Variants in STPG2 observed in about 807,000 individuals in gnomAD.
The protein encoded by STPG2 is sperm-tail PG-rich repeat-containing protein 2.
A neutral mutation model predicts 54.2 loss-of-function variants in STPG2; 56 were observed. The observed-to-expected ratio is 1.03, with a 90% CI of 0.83 to 1.29. The LOEUF (loss-of-function observed/expected upper bound fraction) is 1.29. Among genes scored for constraint, STPG2 ranks in the 50% most tolerant of loss-of-function variants. The pLI, the probability that STPG2 is intolerant of heterozygous loss-of-function variation, is 0.00. For missense variants in STPG2, 596 were observed against 544.9 expected (o/e 1.09, Z -0.93); for synonymous variants, 200 against 181.8 (o/e 1.10, Z -0.81).
At chr4:97,840,050 G>GAA in intron 9 of STPG2, among the ~76,000 whole-genome samples, 1 of 151,344 alleles carries the variant, frequency 6.6e-6, no homozygotes, top group African/African-American at 2.4e-5. Flanking sequence ...TACTGCTTTA[G>GAA]AACAAGAATG....
At chr4:97,616,086 A>ATG in intron 10 of STPG2, among the ~76,000 whole-genome samples, 2 of 83,794 alleles carry the variant, frequency 2.4e-5, no homozygotes, top group South Asian at 1.1e-3. Flanking sequence ...ATATATATAT[A>ATG]TATATATATG....
At chr4:97,948,738 G>A (rs1474177650) in intron 7 of STPG2, among the ~76,000 whole-genome samples, 1 of 152,026 alleles carries the variant, frequency 6.6e-6, no homozygotes, top group Non-Finnish European at 1.5e-5. Flanking sequence ...TTCTTCTGGA[G>A]TTGATTTCTA....
At chr4:97,946,585 G>A (rs1156896939) in intron 7 of STPG2, among the ~76,000 whole-genome samples, 1 of 151,980 alleles carries the variant, frequency 6.6e-6, no homozygotes, top group Non-Finnish European at 1.5e-5. Flanking sequence ...TGAGATGTAG[G>A]GATTCAGTTT....
At chr4:97,992,488 T>C (rs1230696883) in intron 5 of STPG2, among the ~76,000 whole-genome samples, 1 of 152,218 alleles carries the variant, frequency 6.6e-6, no homozygotes, top group African/African-American at 2.4e-5. Context: ...ACCATGCTGT[T>C]TTGGTGACTA....
intron 8 of STPG2, among the ~76,000 whole-genome samples, chr4:97,909,196 A>G (rs1731581142): frequency 6.6e-6 from 1 of 151,900 alleles, no homozygotes. Flanking sequence ...TATATATCCT[A>G]GAAACATTAA....
rs1553939187 is a variant in STPG2 at position 98,072,613 on chromosome 4, T to TAAAATAAAAC, written c.612+33339_612+33340insGTTTTATTTT. Among the ~76,000 whole-genome samples, 1,197 of 135,182 alleles carry TAAAATAAAAC rather than the reference T, an allele frequency of 8.9e-3. 10 individuals carry two copies. The highest frequency in any genetic ancestry group is 0.011 in the Non-Finnish European group (672 of 62,014). 88.7% of individuals were successfully genotyped at this position (135,182 alleles called of 152,430 possible). A position where few individuals can be genotyped will look rare whatever the true frequency, so the allele number is the denominator to read the frequency against. Reference sequence around the variant, plus strand: ...TAAAATAAAATAAAATAAAATAAAATAAAACAAAACAAGAGTCCACTAATT... The same window carrying TAAAATAAAAC: ...TAAAATAAAATAAAATAAAATAAAATAAAATAAAACAAAACAAAACAAGAGTCCACTAATT... On this transcript the variant is annotated intron_variant, in intron 5 of 10. Coordinates refer to ENST00000295268, the MANE Select transcript of STPG2 (RefSeq NM_174952.3).
At chr4:97,810,467 A>G (rs976382498) in intron 9 of STPG2, among the ~76,000 whole-genome samples, 1 of 151,606 alleles carries the variant, frequency 6.6e-6, no homozygotes, top group African/African-American at 2.4e-5. Flanking sequence ...TGTCTCAAAA[A>G]AAAAAAAAAA....
At chr4:97,698,024 C>T (rs954203933) in intron 10 of STPG2, among the ~76,000 whole-genome samples, 2 of 152,174 alleles carry the variant, frequency 1.3e-5, no homozygotes, top group South Asian at 2.1e-4. Flanking sequence ...AGGCTGCCAG[C>T]CCCCTGATTT....
In STPG2 at chr4:97,904,925, G is replaced by A. The variant is rs559281157; in HGVS notation, c.1044+38972C>T. Among the ~76,000 whole-genome samples, 264 of 152,212 alleles carry A rather than the reference G, an allele frequency of 1.7e-3. 2 individuals carry two copies. Among genetic ancestry groups the A allele is most frequent in the African/African-American group, 5.9e-3 (244 of 41,532 alleles). On this transcript the variant is annotated intron_variant, in intron 8 of 10. Coordinates refer to ENST00000295268, the MANE Select transcript of STPG2 (RefSeq NM_174952.3). Reference sequence around the variant, plus strand: ...TTAGAGAAAAAGAATAAAAAGAAACGAGCAAAGCCTCCAAGAAATATGGGA... The same window carrying A: ...TTAGAGAAAAAGAATAAAAAGAAACAAGCAAAGCCTCCAAGAAATATGGGA...
chr4:97,565,887 A>G lies in STPG2; in HGVS notation c.1321-6770T>C, dbSNP rs564711100. ...TTAGGCTGCTCAGAGGTCAGGGATCAGGGACCCACTTGAGGAGGCAGTCTG... is the reference window on the plus strand; with the variant it reads ...TTAGGCTGCTCAGAGGTCAGGGATCGGGGACCCACTTGAGGAGGCAGTCTG... On this transcript the variant is annotated intron_variant, in intron 10 of 10. Transcript: ENST00000295268. Among the ~76,000 whole-genome samples, 333 of 152,316 alleles carry G rather than the reference A, an allele frequency of 2.2e-3. 1 individual carries two copies. Among genetic ancestry groups the G allele is most frequent in the Non-Finnish European group, 2.6e-3 (180 of 68,032 alleles).
chr4:97,460,942 T>C (rs764134137), intron 4 of STPG2, among the ~76,000 whole-genome samples: 3 of 152,238 alleles, frequency 2.0e-5, no homozygotes, highest in Non-Finnish European at 2.9e-5. Flanking sequence ...TGGTTGCATA[T>C]AACATTCATG....
intron 9 of STPG2, among the ~76,000 whole-genome samples, chr4:97,719,816 T>C (rs1301729480): frequency 6.6e-6 from 1 of 151,976 alleles, no homozygotes; most frequent in Non-Finnish European, 1.5e-5. Flanking sequence ...ACTTTCTTTT[T>C]AGTAATTGTC....
At chr4:98,018,905 A>T (rs1320788502) in intron 5 of STPG2, among the ~76,000 whole-genome samples, 1 of 151,442 alleles carries the variant, frequency 6.6e-6, no homozygotes, top group African/African-American at 2.4e-5. Flanking sequence ...TTCATTGTAG[A>T]TTCTGCATAT....
At chr4:97,876,519 A>C (rs1005876123) in intron 8 of STPG2, among the ~76,000 whole-genome samples, 2 of 152,074 alleles carry the variant, frequency 1.3e-5, no homozygotes, top group Non-Finnish European at 2.9e-5. Context: ...GTAATTATAA[A>C]GTCCTCAGAG....
At chr4:97,711,279 C>T (rs1168189597) in intron 10 of STPG2, among the ~76,000 whole-genome samples, 1 of 152,016 alleles carries the variant, frequency 6.6e-6, no homozygotes, top group Non-Finnish European at 1.5e-5. Flanking sequence ...AGACCAATAC[C>T]TTATTAATCA....
chr4:98,020,452 T>C (rs1228452141), intron 5 of STPG2, among the ~76,000 whole-genome samples: 2 of 151,132 alleles, frequency 1.3e-5, no homozygotes, highest in Admixed American at 6.6e-5. Flanking sequence ...GCCTCAATGT[T>C]CATCAAGGAT....
rs866629245 is a variant in STPG2, at chr4:97,563,852, C to T, written c.1321-4735G>A. Reference sequence around the variant, plus strand: ...TTTACATTTGCTGAGGAGAGCTTTACTTCTAATGATGTGGTCAATTTTGGA... The same window carrying T: ...TTTACATTTGCTGAGGAGAGCTTTATTTCTAATGATGTGGTCAATTTTGGA... On this transcript the variant is annotated intron_variant, in intron 10 of 10. Transcript: ENST00000295268. Among the ~76,000 whole-genome samples, 18 of 152,226 alleles carry T rather than the reference C, an allele frequency of 1.2e-4. 1 individual carries two copies. Among genetic ancestry groups the T allele is most frequent in the Admixed American group, 8.5e-4 (13 of 15,300 alleles).
chr4:97,928,412 C>A (rs1187685947), intron 8 of STPG2, among the ~76,000 whole-genome samples: 3 of 152,082 alleles, frequency 2.0e-5, no homozygotes, highest in Non-Finnish European at 4.4e-5. Context: ...AATACAGATA[C>A]CAGTACATCA....
chr4:97,572,435 T>C (rs1023226558), intron 10 of STPG2, among the ~76,000 whole-genome samples: 5 of 152,184 alleles, frequency 3.3e-5, no homozygotes, highest in African/African-American at 1.2e-4. Flanking sequence ...AGATCTTGTA[T>C]AAGTTGAACA....
Sources: allele counts gnomAD v4.1 joint callset (sites outside exome capture counted in the v4.1 genomes callset), GRCh38; gene constraint gnomAD v4.1.1; transcripts MANE v1.5; gene names NCBI Gene and HGNC (gene_info 2026-07-23, HGNC 2026-07-21).